Variants in SOX5 observed in about 807,000 individuals in gnomAD.
The protein encoded by SOX5 is transcription factor SOX-5.
SOX5 carries 9 observed loss-of-function variants against 92.0 expected under a neutral mutation model. That is an observed-to-expected ratio of 0.10 (90% CI 0.06 to 0.17). The LOEUF is 0.17. Among genes scored for constraint, SOX5 ranks in the 10% least tolerant of loss-of-function variants. SOX5 has a pLI of 1.00. For synonymous variants in SOX5, 344 were observed against 336.3 expected, an observed-to-expected ratio of 1.02 and a Z score of -0.25; for missense variants, 642 against 944.5, an observed-to-expected ratio of 0.68 and a Z score of 4.20.
intron 3 of SOX5, among the ~76,000 whole-genome samples, chr12:23,791,117 G>C (rs2095468841): frequency 6.6e-6 from 1 of 152,132 alleles, no homozygotes; most frequent in African/African-American, 2.4e-5. Flanking sequence ...ATTACACAGA[G>C]GCAGCTTTTC....
rs1228998970 is a variant in SOX5, at chr12:24,352,585, A to G, written c.-174+15978T>C. Among the ~76,000 whole-genome samples the G allele has an allele frequency of 3.3e-5, 5 of 152,162 alleles. No homozygotes were observed. In the East Asian group the frequency reaches 9.6e-4, roughly 29 times the overall value. On this transcript the variant is annotated intron_variant, in intron 2 of 4. Transcript: ENST00000446891. ...TTTTTCTAGTTGACTTCTCTTTTCA[A>G]AAGTTATTTTACTCAGGCACTGATT...
intron 4 of SOX5, among the ~76,000 whole-genome samples, chr12:23,741,259 T>C (rs1399057997): frequency 6.6e-6 from 1 of 152,160 alleles, no homozygotes; most frequent in Admixed American, 6.5e-5. Context: ...GCACAATAGA[T>C]AGTACATTGG....
intron 9 of SOX5, among the ~76,000 whole-genome samples, chr12:23,580,793 T>C (rs1001444322): frequency 6.6e-6 from 1 of 152,022 alleles, no homozygotes; most frequent in Non-Finnish European, 1.5e-5. Context: ...GTCACAGTAG[T>C]AGAAACACTA....
At chr12:24,150,365 G>A (rs1951532204) in intron 4 of SOX5, among the ~76,000 whole-genome samples, 1 of 152,110 alleles carries the variant, frequency 6.6e-6, no homozygotes, top group Non-Finnish European at 1.5e-5. Context: ...AATAGATTTT[G>A]GTTGGACTGA....
intron 3 of SOX5, among the ~76,000 whole-genome samples, chr12:24,274,007 G>T (rs1238899095): frequency 6.6e-6 from 1 of 152,050 alleles, no homozygotes; most frequent in African/African-American, 2.4e-5. Flanking sequence ...CTTGGAAAAT[G>T]GTTGAGGCTT....
intron 2 of SOX5, among the ~76,000 whole-genome samples, chr12:23,888,411 C>A (rs1366348133): frequency 7.0e-6 from 1 of 143,262 alleles, no homozygotes; most frequent in African/African-American, 2.5e-5. Flanking sequence ...ACTCCCATAG[C>A]ACTTTTTTTT....
At chr12:24,283,633 A>G (rs1410358150) in intron 2 of SOX5, among the ~76,000 whole-genome samples, 1 of 152,218 alleles carries the variant, frequency 6.6e-6, no homozygotes, top group Non-Finnish European at 1.5e-5. Flanking sequence ...AAATCAGTAT[A>G]AAGATGCATT....
intron 4 of SOX5, among the ~76,000 whole-genome samples, chr12:24,013,043 A>T (rs558381635): frequency 6.6e-6 from 1 of 152,302 alleles, no homozygotes; most frequent in African/African-American, 2.4e-5. Context: ...ATGAACAAAA[A>T]AAGTTTCTGC....
intron 6 of SOX5, among the ~76,000 whole-genome samples, chr12:23,726,395 A>G (rs779571872): frequency 2.0e-5 from 3 of 151,910 alleles, no homozygotes; most frequent in Non-Finnish European, 4.4e-5. Context: ...CTATTTGTTA[A>G]CTCTTTTCAA....
intron 4 of SOX5, among the ~76,000 whole-genome samples, chr12:24,141,202 T>C (rs367884430): frequency 2.1e-4 from 32 of 152,348 alleles, no homozygotes; most frequent in African/African-American, 6.7e-4. Flanking sequence ...TTAAACATCC[T>C]TTTACATCTT....
chr12:23,960,523 A>ATACATATATATT lies in SOX5; in HGVS notation c.-1-64500_-1-64499insAATATATATGTA, dbSNP rs1555451945. Among the ~76,000 whole-genome samples the ATACATATATATT allele has an allele frequency of 5.2e-3, 358 of 69,132 alleles. 3 individuals are homozygous for ATACATATATATT. Among genetic ancestry groups the ATACATATATATT allele is most frequent in the African/African-American group, 0.013 (336 of 26,048 alleles). 45.4% of individuals were successfully genotyped at this position (69,132 alleles called of 152,430 possible). On this transcript the variant is annotated intron_variant, in intron 4 of 4. Coordinates refer to the SOX5 transcript ENST00000446891. ...CATATATATTTATATACATATATAT[A>ATACATATATATT]TATATACATATATATATATATATGA...
Position 24,115,804 on chromosome 12 carries a change from T to A in SOX5, c.-2+97539A>T, listed in dbSNP as rs114795885. Among the ~76,000 whole-genome samples, 393 of 152,294 alleles carry A rather than the reference T, an allele frequency of 2.6e-3. 2 individuals are homozygous for A. The highest frequency in any genetic ancestry group is 9.0e-3 in the African/African-American group (375 of 41,564). On this transcript the variant is annotated intron_variant, in intron 4 of 4. Transcript: ENST00000446891. ...ATCTTCACCAATGAAAATTAACATA[T>A]AAATAATTGTGTTTTCAGAACATCA...
At chr12:24,016,379 T>C (rs952068695) in intron 4 of SOX5, among the ~76,000 whole-genome samples, 2 of 152,160 alleles carry the variant, frequency 1.3e-5, no homozygotes, top group East Asian at 3.9e-4. Context: ...CGAGTAATTG[T>C]GAAGAGTACA....
chr12:23,808,538 T>C (rs1050800263), intron 3 of SOX5, among the ~76,000 whole-genome samples: 1 of 152,156 alleles, frequency 6.6e-6, no homozygotes, highest in Non-Finnish European at 1.5e-5. Context: ...GTAACTTATA[T>C]CCAATTTAAG....
chr12:24,247,917 G>T (rs997526647), intron 3 of SOX5, among the ~76,000 whole-genome samples: 2 of 152,022 alleles, frequency 1.3e-5, no homozygotes, highest in Admixed American at 1.3e-4. Context: ...GCCTCCCAAA[G>T]TGCTGGGATT....
rs775255947 is a variant in SOX5, at chr12:23,640,842, T to C, written c.987A>G (p.Ala329=). The C allele has an allele frequency of 1.9e-6, 3 of 1,614,066 alleles. No individual in the cohort carries two copies. The highest frequency in any genetic ancestry group is 2.5e-6 in the Non-Finnish European group (3 of 1,179,898). The part of the protein sequence containing the change: ...IPTTMAAAAA[A]TPGLGPLQLQ... ...GTTGGAGTGGGCCTAAGCCTGGTGTTGCTGCGGCAGCAGCTGCCATGGTAG... is the reference window on the plus strand; with the variant it reads ...GTTGGAGTGGGCCTAAGCCTGGTGTCGCTGCGGCAGCAGCTGCCATGGTAG... The change falls in exon 8 of 15, where the codon GCA becomes GCG. Residue 329 remains alanine, a synonymous_variant. Coordinates refer to ENST00000451604, the MANE Select transcript of SOX5 (RefSeq NM_006940.6).
intron 6 of SOX5, among the ~76,000 whole-genome samples, chr12:23,687,332 C>T (rs907418660): frequency 6.6e-6 from 1 of 151,826 alleles, no homozygotes; most frequent in Admixed American, 6.6e-5. Context: ...TATATACAGG[C>T]ATGAAAGCAT....
intron 8 of SOX5, among the ~76,000 whole-genome samples, chr12:23,624,323 G>A (rs1187817191): frequency 1.3e-5 from 2 of 151,966 alleles, no homozygotes; most frequent in African/African-American, 2.4e-5. Context: ...ACATAAAAAT[G>A]GTTAATATGG....
intron 6 of SOX5, among the ~76,000 whole-genome samples, chr12:23,710,658 G>T (rs1255125205): frequency 6.6e-6 from 1 of 152,136 alleles, no homozygotes; most frequent in Non-Finnish European, 1.5e-5. Context: ...CATTTGGGTT[G>T]GTTCCAAGTC....
Sources: gnomAD v4.1 joint callset for allele counts (sites outside exome capture counted in the v4.1 genomes callset) on GRCh38, gnomAD v4.1.1 for gene constraint, MANE v1.5 for transcripts, NCBI Gene and HGNC (gene_info 2026-07-23, HGNC 2026-07-21) for gene names.